The following CSMD1 variants were observed in gnomAD, a reference collection of about 807,000 sequenced individuals.
CSMD1 encodes the protein CUB and sushi domain-containing protein 1.
In CSMD1, 213 loss-of-function variants were observed where a neutral mutation model predicts 417.5. That is an observed-to-expected ratio of 0.51 (90% CI 0.46 to 0.57). The LOEUF is 0.57. Ranked by LOEUF, CSMD1 falls within the 20% of genes least tolerant of loss-of-function variation. The pLI is 0.00. For missense variants in CSMD1, 6,923 were observed against 4,529.7 expected (o/e 1.53, Z -15.17); for synonymous variants, 2,862 against 1,736.8 (o/e 1.65, Z -16.11).
intron 23 of CSMD1, among the ~76,000 whole-genome samples, chr8:3,341,775 T>C (rs935873939): frequency 6.6e-6 from 1 of 152,198 alleles, no homozygotes; most frequent in Non-Finnish European, 1.5e-5. Flanking sequence ...AGACAAAATT[T>C]AATTTACCCA....
intron 12 of CSMD1, among the ~76,000 whole-genome samples, chr8:3,439,309 A>T (rs12677957): frequency 0.36 from 22,196 of 62,514 alleles, 3,929 homozygotes; most frequent in Non-Finnish European, 0.4. Flanking sequence ...ATATATATAT[A>T]TTTTTTTTTT....
At chr8:3,547,118 A>C (rs1324120102) in intron 10 of CSMD1, among the ~76,000 whole-genome samples, 2 of 152,164 alleles carry the variant, frequency 1.3e-5, no homozygotes, top group Non-Finnish European at 2.9e-5. Context: ...GCCAACCCTC[A>C]TGCTGCCATT....
intron 1 of CSMD1, among the ~76,000 whole-genome samples, chr8:4,964,220 T>C (rs1156358450): frequency 6.6e-6 from 1 of 151,950 alleles, no homozygotes; most frequent in Non-Finnish European, 1.5e-5. Flanking sequence ...AATGAATGAA[T>C]GAGTAGCAGG....
rs191302967 is a variant in CSMD1, at chr8:3,619,803, C to T, written c.1010-3006G>A. On this transcript the variant is annotated intron_variant, in intron 7 of 69. Transcript: ENST00000635120. ...TAGAAAGCAATGGATAGGCTGGGCA[C>T]GGTGGCTCACACAACGTAATATATT... Among the ~76,000 whole-genome samples, 46 of 152,236 alleles carry T rather than the reference C, an allele frequency of 3.0e-4. 1 individual carries two copies. Among genetic ancestry groups the T allele is most frequent in the Admixed American group, 5.9e-4 (9 of 15,286 alleles).
intron 3 of CSMD1, among the ~76,000 whole-genome samples, chr8:4,041,383 G>A (rs970431374): frequency 1.3e-5 from 2 of 152,090 alleles, no homozygotes; most frequent in Admixed American, 6.6e-5. Context: ...ACTATGACAA[G>A]AATTGTTAAA....
chr8:3,537,164 C>G (rs549439437), intron 10 of CSMD1, among the ~76,000 whole-genome samples: 5 of 152,028 alleles, frequency 3.3e-5, no homozygotes, highest in African/African-American at 1.2e-4. Flanking sequence ...CCACCACGCC[C>G]AGCTAATTTG....
At chr8:4,321,920 G>A (rs1161263342) in intron 3 of CSMD1, among the ~76,000 whole-genome samples, 1 of 151,932 alleles carries the variant, frequency 6.6e-6, no homozygotes, top group Non-Finnish European at 1.5e-5. Flanking sequence ...TTTTATTACA[G>A]TATATTTTTA....
At chr8:4,215,921 G>A (rs1048677904) in intron 3 of CSMD1, among the ~76,000 whole-genome samples, 1 of 152,172 alleles carries the variant, frequency 6.6e-6, no homozygotes, top group Non-Finnish European at 1.5e-5. Context: ...AGAGAACGTG[G>A]ATTCATGCAG....
chr8:3,539,952 T>A (rs1208573105), intron 10 of CSMD1, among the ~76,000 whole-genome samples: 1 of 152,158 alleles, frequency 6.6e-6, no homozygotes, highest in Non-Finnish European at 1.5e-5. Flanking sequence ...TTCCCATAAA[T>A]TGTAGCTAGT....
intron 1 of CSMD1, among the ~76,000 whole-genome samples, chr8:4,799,635 C>G (rs1002082317): frequency 1.6e-5 from 2 of 126,674 alleles, no homozygotes; most frequent in Non-Finnish European, 3.4e-5. Flanking sequence ...AAAAGTAATC[C>G]CTGGGCACTC....
intron 66 of CSMD1, 22 bp downstream of exon 66, chr8:2,951,092 T>C: frequency 6.2e-7 from 1 of 1,605,836 alleles, no homozygotes; most frequent in Non-Finnish European, 8.5e-7. Context: ...ACCATGCGTT[T>C]AGTGAATTCT....
At chr8:3,307,560 T>A in intron 25 of CSMD1, 135 bp downstream of exon 25, 1 of 1,068,370 alleles carries the variant, frequency 9.4e-7, no homozygotes, top group East Asian at 2.6e-5. Flanking sequence ...AACAAAACTT[T>A]TAGCTACAGC....
intron 3 of CSMD1, among the ~76,000 whole-genome samples, chr8:4,252,049 A>C (rs1462060084): frequency 2.0e-5 from 3 of 152,212 alleles, no homozygotes; most frequent in African/African-American, 7.2e-5. Context: ...TTCTTTAAGC[A>C]CAGAAGATCA....
intron 3 of CSMD1, among the ~76,000 whole-genome samples, chr8:4,131,339 AC>A (rs1381746019): frequency 6.6e-6 from 1 of 152,156 alleles, no homozygotes; most frequent in African/African-American, 2.4e-5. Context: ...TTCATCTTCC[AC>A]TTGGTGACAC....
At chr8:4,804,080 G>C (rs1290560184) in intron 1 of CSMD1, among the ~76,000 whole-genome samples, 1 of 151,990 alleles carries the variant, frequency 6.6e-6, no homozygotes, top group Non-Finnish European at 1.5e-5. Flanking sequence ...ATGGTTATTT[G>C]GTTATTTGTT....
In CSMD1 at chr8:3,625,737, C is replaced by T. The variant is rs182259776; in HGVS notation, c.1010-8940G>A. Among the ~76,000 whole-genome samples, 20 of 152,126 alleles carry T rather than the reference C, an allele frequency of 1.3e-4. No individual in the cohort carries two copies. In the East Asian group the frequency reaches 3.3e-3, roughly 25 times the overall value. ...TCATTCAACATTATTCTTACTACTC[C>T]CTACAGAGATCCTATGATCTCAGTA... On this transcript the variant is annotated intron_variant, in intron 7 of 69. Coordinates refer to ENST00000635120, the MANE Select transcript of CSMD1 (RefSeq NM_033225.6).
At chr8:3,834,678 A>G (rs1802575900) in intron 5 of CSMD1, among the ~76,000 whole-genome samples, 1 of 152,156 alleles carries the variant, frequency 6.6e-6, no homozygotes, top group Non-Finnish European at 1.5e-5. Context: ...AGGGATCCAC[A>G]GAACGTGTAG....
intron 6 of CSMD1, among the ~76,000 whole-genome samples, chr8:3,723,989 A>T (rs956504982): frequency 8.8e-6 from 1 of 113,654 alleles, no homozygotes. Flanking sequence ...AAAAATGTCC[A>T]CTATTATCTA....
intron 1 of CSMD1, among the ~76,000 whole-genome samples, chr8:4,830,406 A>G (rs1156466107): frequency 6.6e-6 from 1 of 152,238 alleles, no homozygotes; most frequent in East Asian, 1.9e-4. Flanking sequence ...ATAATTGACA[A>G]TAACTGAACT....
Sources: gnomAD v4.1 joint callset for allele counts (sites outside exome capture counted in the v4.1 genomes callset) on GRCh38, gnomAD v4.1.1 for gene constraint, MANE v1.5 for transcripts, NCBI Gene and HGNC (gene_info 2026-07-23, HGNC 2026-07-21) for gene names.